RNF19B: variants seen among roughly 807,000 people sequenced by gnomAD.
RNF19B encodes the protein E3 ubiquitin-protein ligase RNF19B.
A neutral mutation model predicts 65.5 loss-of-function variants in RNF19B; 23 were observed. That is an observed-to-expected ratio of 0.35 (90% CI 0.25 to 0.50). The LOEUF (loss-of-function observed/expected upper bound fraction) is 0.50. Ranked by LOEUF, RNF19B falls within the 20% of genes least tolerant of loss-of-function variation. The pLI is 0.98. For missense variants in RNF19B, 794 were observed against 980.0 expected (o/e 0.81, Z 2.53); for synonymous variants, 372 against 379.6 (o/e 0.98, Z 0.23).
At chr1:32,935,026 T>C (rs542936217), downstream of RNF19B, among the ~76,000 whole-genome samples, 16 of 151,436 alleles carry the variant, frequency 1.1e-4, no homozygotes, top group East Asian at 2.2e-3. Flanking sequence ...GAGACGGGGT[T>C]TCACCATGTT....
At position 32,955,424 on chromosome 1, in the gene RNF19B, G is replaced by A. The variant is rs898401215; in HGVS notation, c.636-5650C>T. ...TTCTGAATACGGTAATCTTCTTCCC[G>A]AATAGTTGGAAAAAAAAAACCTCGC... On this transcript the variant is annotated intron_variant, in intron 1 of 8. Transcript: ENST00000235150. 3.3e-5 allele frequency among the ~76,000 whole-genome samples: 5 copies of A among 151,416 alleles called. 1 individual carries two copies. The highest frequency in any genetic ancestry group is 7.4e-5 in the Non-Finnish European group (5 of 67,834).
chr1:32,929,674 C>T, the RNF19B span, among the ~76,000 whole-genome samples: 6 of 152,152 alleles, frequency 3.9e-5, no homozygotes, highest in Admixed American at 3.3e-4. Context: ...ACCCTGCACC[C>T]CCTTTTTCAA....
the RNF19B span, among the ~76,000 whole-genome samples, chr1:32,930,781 C>A: frequency 6.6e-6 from 1 of 152,146 alleles, no homozygotes; most frequent in African/African-American, 2.4e-5. Flanking sequence ...AGGTTTCATC[C>A]AACAACCTGT....
chr1:32,949,495 A>G, intron 2 of RNF19B, 74 bp downstream of exon 2: 1 of 1,306,660 alleles, frequency 7.7e-7, no homozygotes, highest in Non-Finnish European at 1.1e-6. Flanking sequence ...ATACAATAAG[A>G]TAATTTCTTT....
chr1:32,949,613 G>A lies in RNF19B; in HGVS notation c.797C>T (p.Thr266Ile), dbSNP rs1332585168. The part of the protein sequence containing the change: ...QQRAQTLRVR[T>I]KHTSGLSYGQ... Reference sequence around the variant, plus strand: ...ATAACTGAGACCTGAAGTGTGTTTGGTCCGAACTCGTAAAGTCTGGGCCCT... The same window carrying A: ...ATAACTGAGACCTGAAGTGTGTTTGATCCGAACTCGTAAAGTCTGGGCCCT... The change falls in exon 2 of 9, where the codon ACC (threonine) becomes ATC (isoleucine). Residue 266 changes from threonine (T) to isoleucine (I), a missense_variant. Around this residue, in one of 3 missense-constraint regions of RNF19B, gnomAD observed 374 missense variants for 423.8 expected, o/e 0.88. Coordinates refer to ENST00000235150, the MANE Select transcript of RNF19B (RefSeq NM_001300826.2). 6.2e-7 allele frequency: 1 copy of A among 1,613,882 alleles called. No individual in the cohort carries two copies. Among genetic ancestry groups the A allele is most frequent in the East Asian group, 2.2e-5 (1 of 44,844 alleles).
In RNF19B at chr1:32,947,272, ATGTT is replaced by A. The variant is rs533232824; in HGVS notation, c.984-712_984-709del. Among the ~76,000 whole-genome samples, 18 of 152,348 alleles carry A rather than the reference ATGTT, an allele frequency of 1.2e-4. No homozygotes were observed. The East Asian group carries it at 2.5e-3, about 21-fold the overall frequency. On this transcript the variant is annotated intron_variant, in intron 3 of 8. Transcript: ENST00000235150. ...GTGTTGTGTTTCATTTACACAATGA[ATGTT>A]TGTTTGTAAATATTAACACATTTTG...
At chr1:32,932,301 C>T (rs1464303322), downstream of RNF19B, among the ~76,000 whole-genome samples, 1 of 152,108 alleles carries the variant, frequency 6.6e-6, no homozygotes, top group African/African-American at 2.4e-5. Context: ...ATCCAGACAC[C>T]CTTCAACACC....
chr1:32,958,533 G>A (rs1051611330), intron 1 of RNF19B, among the ~76,000 whole-genome samples: 1 of 152,084 alleles, frequency 6.6e-6, no homozygotes, highest in Non-Finnish European at 1.5e-5. Flanking sequence ...TGGCTAACAC[G>A]GTAAAACCCC....
the RNF19B span, among the ~76,000 whole-genome samples, chr1:32,930,507 G>A: frequency 6.6e-6 from 1 of 150,794 alleles, no homozygotes; most frequent in Admixed American, 6.6e-5. Flanking sequence ...CTGAGTTCAA[G>A]GAATCCTCCC....
rs748636082 is a variant in RNF19B, at chr1:32,964,572, G to A, written c.114C>T (p.Val38=). ...GGCGGCCGCGGGCCGAGGCAGAGAA[G>A]ACGCTGTGCAAGGTGAGGCGCCGGC... The part of the protein sequence containing the change: ...GRRRRLTLHS[V]FSASARGRRA... Residue 38 remains valine, a synonymous_variant, in exon 1 of 9, where the codon GTC becomes GTT. Coordinates refer to ENST00000235150, the MANE Select transcript of RNF19B (RefSeq NM_001300826.2). The surrounding 1 kb of genome is among the most constrained non-coding windows in gnomAD (Gnocchi z 6.5). 8.5e-6 allele frequency: 12 copies of A among 1,410,802 alleles called. No individual in the cohort carries two copies. Among genetic ancestry groups the A allele is most frequent in the Non-Finnish European group, 1.0e-5 (11 of 1,080,670 alleles). The allele number at this position is 1,410,802 out of a possible 1,614,324, so 87.4% of individuals were successfully genotyped here.
chr1:32,946,594 C>G, intron 3 of RNF19B, 30 bp from the exon 4 acceptor site: 1 of 1,600,830 alleles, frequency 6.2e-7, no homozygotes, highest in South Asian at 1.1e-5. Flanking sequence ...AAGTTAATGT[C>G]AACATTACAA....
chr1:32,964,733 C>G lies in RNF19B; in HGVS notation c.-48G>C. 7.4e-7 allele frequency: 1 copy of G among 1,349,804 alleles called. No individual in the cohort carries two copies. The highest frequency in any genetic ancestry group is 9.5e-7 in the Non-Finnish European group (1 of 1,054,640). The allele number at this position is 1,349,804 out of a possible 1,614,324, so 83.6% of individuals were successfully genotyped here. A position where few individuals can be genotyped will look rare whatever the true frequency, so the allele number is the denominator to read the frequency against. On this transcript the variant is annotated 5_prime_UTR_variant, in exon 1 of 9. Transcript: ENST00000235150. The surrounding 1 kb of genome is among the most constrained non-coding windows in gnomAD (Gnocchi z 6.5). ...AGGGGCGCCCAGCGCCGCCACAGCT[C>G]CCGCCTCAGCGCCCCTCAGCCAGCG...
chr1:32,929,773 G>A, the RNF19B span, among the ~76,000 whole-genome samples: 14 of 152,172 alleles, frequency 9.2e-5, no homozygotes, highest in African/African-American at 3.1e-4. Flanking sequence ...TTTGTTTTGC[G>A]TTCTATAAGC....
chr1:32,955,925 C>T (rs535066304), intron 1 of RNF19B, among the ~76,000 whole-genome samples: 1 of 152,250 alleles, frequency 6.6e-6, no homozygotes, highest in Non-Finnish European at 1.5e-5. Flanking sequence ...TAGAAAATTA[C>T]ATGCTGTGAA....
In RNF19B at chr1:32,954,319, T is replaced by C. The variant is rs548042171; in HGVS notation, c.636-4545A>G. On this transcript the variant is annotated intron_variant, in intron 1 of 8. Transcript: ENST00000235150. Reference sequence around the variant, plus strand: ...AAGTAAAATAACCCCAAATTACTCATGAATCCACAGCAATCTATTACTACG... The same window carrying C: ...AAGTAAAATAACCCCAAATTACTCACGAATCCACAGCAATCTATTACTACG... Among the ~76,000 whole-genome samples the C allele has an allele frequency of 8.3e-4, 126 of 151,996 alleles. 1 individual carries two copies. The highest frequency in any genetic ancestry group is 2.7e-3 in the African/African-American group (113 of 41,468).
chr1:32,930,378 G>A, the RNF19B span, among the ~76,000 whole-genome samples: 6 of 149,700 alleles, frequency 4.0e-5, no homozygotes, highest in East Asian at 1.2e-3. Flanking sequence ...CCAATGTTCC[G>A]GGATTACAGG....
chr1:32,964,777 C>A lies in RNF19B; in HGVS notation c.-92G>T, dbSNP rs755990537. On this transcript the variant is annotated 5_prime_UTR_variant, in exon 1 of 9. Transcript: ENST00000235150. The surrounding 1 kb of genome is among the most constrained non-coding windows in gnomAD (Gnocchi z 6.5). ...GCCAGCGCCCGGCCGCCGCCGACGC[C>A]GCCACCACCGCCTCAACCGCCCTCC... The A allele has an allele frequency of 4.3e-6, 5 of 1,170,216 alleles. No homozygotes were observed. Among genetic ancestry groups the A allele is most frequent in the Admixed American group, 4.5e-5 (1 of 21,996 alleles). 72.5% of individuals were successfully genotyped at this position (1,170,216 alleles called of 1,614,324 possible).
chr1:32,949,195 T>C (rs1344313865), intron 2 of RNF19B, among the ~76,000 whole-genome samples: 1 of 152,222 alleles, frequency 6.6e-6, no homozygotes, highest in Non-Finnish European at 1.5e-5. Context: ...GTGAGGCACT[T>C]AAGTCAGCTT....
At chr1:32,938,664 C>T (rs961052090) in intron 7 of RNF19B, 136 bp from the exon 8 acceptor site, 32 of 841,742 alleles carry the variant, frequency 3.8e-5, no homozygotes, top group African/African-American at 2.4e-4. Flanking sequence ...TGTCAAACAG[C>T]GCAAATAGAT....
Sources: allele counts gnomAD v4.1 joint callset (sites outside exome capture counted in the v4.1 genomes callset), GRCh38; gene constraint gnomAD v4.1.1; regional missense constraint gnomAD v4.1.1; non-coding constraint Gnocchi (gnomAD v3.1); transcripts MANE v1.5; gene names NCBI Gene and HGNC (gene_info 2026-07-23, HGNC 2026-07-21).